Variants in PLCB4 observed in about 807,000 individuals in gnomAD.
PLCB4 encodes the protein 1-phosphatidylinositol 4,5-bisphosphate phosphodiesterase beta-4.
Under a neutral mutation model 178.8 loss-of-function variants are expected in PLCB4, and 77 were observed. The observed-to-expected ratio is 0.43, with a 90% CI of 0.36 to 0.52. The LOEUF (loss-of-function observed/expected upper bound fraction) is 0.52. Among genes scored for constraint, PLCB4 ranks in the 20% least tolerant of loss-of-function variants. The probability of loss-of-function intolerance (pLI) is 0.00; values close to 1 mark genes in which losing one functional copy is unlikely to be tolerated. For synonymous variants in PLCB4, 496 were observed against 490.8 expected (o/e 1.01, Z -0.14); for missense variants, 1,024 against 1,453.4 (o/e 0.70, Z 4.80).
At chr20:9,206,655 C>T (rs1189804988) in intron 2 of PLCB4, among the ~76,000 whole-genome samples, 11 of 152,086 alleles carry the variant, frequency 7.2e-5, no homozygotes, top group Non-Finnish European at 5.9e-5. Context: ...ATTAGGTAGG[C>T]AGAGAATAAT....
chr20:9,123,143 A>T (rs2092013214), intron 2 of PLCB4, among the ~76,000 whole-genome samples: 1 of 152,162 alleles, frequency 6.6e-6, no homozygotes, highest in African/African-American at 2.4e-5. Context: ...ATTTCAGCTG[A>T]CATGTTGGAG....
intron 3 of PLCB4, among the ~76,000 whole-genome samples, chr20:9,303,909 C>T (rs1332246317): frequency 6.6e-6 from 1 of 151,962 alleles, no homozygotes; most frequent in Non-Finnish European, 1.5e-5. Flanking sequence ...TATTCACATT[C>T]TCATTCTTTA....
At chr20:9,297,751 A>G (rs2094655716) in intron 3 of PLCB4, among the ~76,000 whole-genome samples, 2 of 152,048 alleles carry the variant, frequency 1.3e-5, no homozygotes, top group African/African-American at 4.8e-5. Context: ...AGTCATGGAC[A>G]ACTATGTACT....
intron 2 of PLCB4, among the ~76,000 whole-genome samples, chr20:9,199,617 T>C (rs561886427): frequency 2.3e-4 from 35 of 152,268 alleles, no homozygotes; most frequent in Non-Finnish European, 4.3e-4. Flanking sequence ...TCTTCGAAAT[T>C]GTCCTGAATT....
chr20:9,246,940 A>G (rs919667589), intron 3 of PLCB4, among the ~76,000 whole-genome samples: 6 of 152,176 alleles, frequency 3.9e-5, no homozygotes, highest in Non-Finnish European at 8.8e-5. Context: ...GTATTGCACA[A>G]TAGTTCAAAG....
Position 9,390,686 on chromosome 20 carries a change from A to G in PLCB4, c.1323+71A>G, listed in dbSNP as rs781444007. Reference sequence around the variant, plus strand: ...TTTGAAAATTTCTGAAGGGTCAAGTAGTACTAGAGGACTAATGCTAAAGAT... The same window carrying G: ...TTTGAAAATTTCTGAAGGGTCAAGTGGTACTAGAGGACTAATGCTAAAGAT... On this transcript the variant is annotated intron_variant, in intron 17 of 39. Coordinates refer to ENST00000378473, the MANE Select transcript of PLCB4 (RefSeq NM_001377142.1). 20 of 752,080 alleles carry G rather than the reference A, an allele frequency of 2.7e-5. 1 individual carries two copies. The highest frequency in any genetic ancestry group is 1.5e-4 in the Admixed American group (8 of 52,962). 46.6% of individuals were successfully genotyped at this position (752,080 alleles called of 1,614,324 possible). A position where few individuals can be genotyped will look rare whatever the true frequency, so the allele number is the denominator to read the frequency against.
At chr20:9,313,277 A>T (rs1301856278) in intron 4 of PLCB4, among the ~76,000 whole-genome samples, 4 of 152,206 alleles carry the variant, frequency 2.6e-5, no homozygotes, top group African/African-American at 9.7e-5. Flanking sequence ...TAGAGAAAAC[A>T]TTTAATTATT....
intron 3 of PLCB4, among the ~76,000 whole-genome samples, chr20:9,221,801 C>T (rs2093801992): frequency 6.6e-6 from 1 of 151,964 alleles, no homozygotes; most frequent in African/African-American, 2.4e-5. Flanking sequence ...GATTTCAGTG[C>T]CCTGAAAGAA....
intron 3 of PLCB4, among the ~76,000 whole-genome samples, chr20:9,232,044 C>T (rs979394836): frequency 8.5e-5 from 13 of 152,108 alleles, no homozygotes; most frequent in African/African-American, 2.7e-4. Flanking sequence ...GAAAGAGGCA[C>T]CTCACAAAAT....
At chr20:9,302,779 T>C (rs989818717) in intron 3 of PLCB4, among the ~76,000 whole-genome samples, 2 of 152,140 alleles carry the variant, frequency 1.3e-5, no homozygotes, top group Non-Finnish European at 2.9e-5. Flanking sequence ...CTGAGAAACA[T>C]CATATACTGG....
At chr20:9,171,049 C>T (rs2093055729) in intron 2 of PLCB4, among the ~76,000 whole-genome samples, 1 of 152,304 alleles carries the variant, frequency 6.6e-6, no homozygotes, top group South Asian at 2.1e-4. Flanking sequence ...TCACAAATCA[C>T]TACTTCAGTG....
chr20:9,418,959 A>G (rs561175542), intron 25 of PLCB4, among the ~76,000 whole-genome samples: 1 of 152,046 alleles, frequency 6.6e-6, no homozygotes, highest in African/African-American at 2.4e-5. Context: ...TCATTTTTGC[A>G]TGTTCATTGT....
intron 4 of PLCB4, 137 bp from the exon 5 acceptor site, chr20:9,336,989 C>A: frequency 3.2e-6 from 2 of 627,878 alleles, no homozygotes; most frequent in Non-Finnish European, 5.8e-6. Context: ...TGAAAACATT[C>A]CATAATACAA....
At chr20:9,218,853 G>T (rs1285025644) in intron 3 of PLCB4, among the ~76,000 whole-genome samples, 2 of 152,216 alleles carry the variant, frequency 1.3e-5, no homozygotes, top group African/African-American at 4.8e-5. Context: ...GCAAAGAGGA[G>T]TTGGGGAGTA....
chr20:9,239,875 T>C (rs1167552953), intron 3 of PLCB4, among the ~76,000 whole-genome samples: 5 of 152,146 alleles, frequency 3.3e-5, no homozygotes, highest in East Asian at 1.9e-4. Context: ...GCTGAAGAAC[T>C]TGGAGTCCAG....
rs767443817 is a variant in PLCB4 at position 9,480,105 on chromosome 20, ATATT to A, written c.*1100_*1103del. 6.6e-6 allele frequency: 1 copy of A among 152,656 alleles called. No individual in the cohort carries two copies. The highest frequency in any genetic ancestry group is 2.4e-5 in the African/African-American group (1 of 41,452). The allele number at this position is 152,656 out of a possible 1,614,324, so 9.5% of individuals were successfully genotyped here. A position where few individuals can be genotyped will look rare whatever the true frequency, so the allele number is the denominator to read the frequency against. On this transcript the variant is annotated 3_prime_UTR_variant, in exon 40 of 40. Transcript: ENST00000378473. ...ATAACTAATTTAATTTTACACAAAAATATTTATGCAGATTTTCAGAATTTCATAT... is the reference window on the plus strand; with the variant it reads ...ATAACTAATTTAATTTTACACAAAAATATGCAGATTTTCAGAATTTCATAT...
chr20:9,226,653 AGATGCT>A (rs1434247263), intron 3 of PLCB4, among the ~76,000 whole-genome samples: 1 of 152,174 alleles, frequency 6.6e-6, no homozygotes, highest in Non-Finnish European at 1.5e-5. Context: ...CCTTTCCTAT[AGATGCT>A]GATATTATAA....
chr20:9,312,419 G>A (rs921541152), intron 4 of PLCB4, among the ~76,000 whole-genome samples: 2 of 149,134 alleles, frequency 1.3e-5, no homozygotes, highest in Non-Finnish European at 3.0e-5. Context: ...CACACACGTG[G>A]TGGAGGAAAA....
intron 3 of PLCB4, among the ~76,000 whole-genome samples, chr20:9,302,327 T>C (rs2094715354): frequency 6.6e-6 from 1 of 152,162 alleles, no homozygotes; most frequent in South Asian, 2.1e-4. Context: ...AATGTGTACC[T>C]TCGTTTGTTC....
Sources: gnomAD v4.1 joint callset for allele counts (sites outside exome capture counted in the v4.1 genomes callset) on GRCh38, gnomAD v4.1.1 for gene constraint, MANE v1.5 for transcripts, NCBI Gene and HGNC (gene_info 2026-07-23, HGNC 2026-07-21) for gene names.